Variants in DHX35 observed in about 807,000 individuals in gnomAD.
The protein encoded by DHX35 is probable ATP-dependent RNA helicase DHX35.
DHX35 carries 84 observed loss-of-function variants against 99.6 expected under a neutral mutation model. The ratio of observed to expected loss-of-function variants is 0.84; its 90% confidence interval spans 0.71 to 1.01. The LOEUF is 1.01. DHX35 is among the 50% of genes least tolerant of loss of function. The probability of loss-of-function intolerance (pLI) is 0.00; values close to 1 mark genes in which losing one functional copy is unlikely to be tolerated. For missense variants in DHX35, 852 were observed against 888.5 expected (o/e 0.96, Z 0.52); for synonymous variants, 331 against 316.2 (o/e 1.05, Z -0.50).
At chr20:39,033,718 G>A (rs1003928169) in intron 20 of DHX35, among the ~76,000 whole-genome samples, 1 of 152,100 alleles carries the variant, frequency 6.6e-6, no homozygotes, top group Non-Finnish European at 1.5e-5. Flanking sequence ...TTAAATAAAG[G>A]TATAATTTAT....
intron 18 of DHX35, among the ~76,000 whole-genome samples, chr20:39,028,055 A>G (rs1232989652): frequency 6.6e-6 from 1 of 152,232 alleles, no homozygotes; most frequent in African/African-American, 2.4e-5. Flanking sequence ...TTGTTGCCAT[A>G]TGACACTCTT....
intron 1 of DHX35, among the ~76,000 whole-genome samples, chr20:38,964,792 G>A (rs909051797): frequency 7.2e-5 from 11 of 152,200 alleles, no homozygotes; most frequent in African/African-American, 2.7e-4. Context: ...ACTGGCAGTG[G>A]AGTAGAGAGT....
intron 15 of DHX35, 33 bp from the exon 16 acceptor site, chr20:39,021,808 T>C (rs760494649): frequency 2.5e-5 from 40 of 1,604,718 alleles, no homozygotes; most frequent in Non-Finnish European, 3.2e-5. Context: ...GCACATTATA[T>C]GGTTGAAACC....
intron 8 of DHX35, 123 bp downstream of exon 8, chr20:38,995,003 A>T: frequency 1.4e-6 from 1 of 739,944 alleles, no homozygotes; most frequent in South Asian, 1.8e-5. Context: ...TTATGGGACC[A>T]TCTGATGTCC....
intron 9 of DHX35, among the ~76,000 whole-genome samples, chr20:39,002,503 A>G (rs951393563): frequency 6.6e-6 from 1 of 152,230 alleles, no homozygotes; most frequent in Admixed American, 6.5e-5. Context: ...ATGTCTTTGC[A>G]TACTAAAGAT....
At chr20:38,981,769 C>G (rs2086177212) in intron 3 of DHX35, among the ~76,000 whole-genome samples, 1 of 151,940 alleles carries the variant, frequency 6.6e-6, no homozygotes, top group African/African-American at 2.4e-5. Flanking sequence ...ATGGCAAAAC[C>G]TGGTCTCTAC....
At chr20:38,975,789 T>C (rs2086066491) in intron 3 of DHX35, among the ~76,000 whole-genome samples, 1 of 152,202 alleles carries the variant, frequency 6.6e-6, no homozygotes, top group African/African-American at 2.4e-5. Flanking sequence ...ATGAGGCACT[T>C]GTTGATCTTG....
chr20:39,014,523 C>G (rs2086751734), intron 13 of DHX35, among the ~76,000 whole-genome samples: 2 of 152,120 alleles, frequency 1.3e-5, no homozygotes, highest in Admixed American at 1.3e-4. Flanking sequence ...CCTGGGGCCC[C>G]GGTGTGGTAG....
intron 17 of DHX35, among the ~76,000 whole-genome samples, chr20:39,024,598 G>A (rs1042067773): frequency 7.9e-5 from 12 of 152,180 alleles, no homozygotes; most frequent in Admixed American, 2.0e-4. Context: ...ACTAGAAAGT[G>A]GGTATAGGTC....
In DHX35 at chr20:38,995,740, TAACTCCAGCC is replaced by T. The variant is rs562038921; in HGVS notation, c.642+862_642+871del. Among the ~76,000 whole-genome samples, 233 of 152,324 alleles carry T rather than the reference TAACTCCAGCC, an allele frequency of 1.5e-3. 1 individual carries two copies. Among genetic ancestry groups the T allele is most frequent in the South Asian group, 7.9e-3 (38 of 4,822 alleles). On this transcript the variant is annotated intron_variant, in intron 8 of 21. Coordinates refer to ENST00000252011, the MANE Select transcript of DHX35 (RefSeq NM_021931.4). ...CTGAGGCAGCTAAGGAGGGAGCCCTTAACTCCAGCCAGCTGGGGGGTGTCCAGAAACTTTC... is the reference window on the plus strand; with the variant it reads ...CTGAGGCAGCTAAGGAGGGAGCCCTTAGCTGGGGGGTGTCCAGAAACTTTC...
intron 14 of DHX35, among the ~76,000 whole-genome samples, chr20:39,015,473 A>G (rs1398562784): frequency 5.3e-5 from 8 of 151,922 alleles, no homozygotes; most frequent in Admixed American, 3.9e-4. Flanking sequence ...AAGTAATGGC[A>G]AAACCCGCAA....
At chr20:38,977,871 A>G in intron 3 of DHX35, 2 of 571,814 alleles carry the variant, frequency 3.5e-6, no homozygotes, top group African/African-American at 1.9e-5. Context: ...TGGCTGGAGT[A>G]TCTTGTATAG....
chr20:39,025,883 G>A (rs1280219822), intron 18 of DHX35, among the ~76,000 whole-genome samples: 1 of 152,216 alleles, frequency 6.6e-6, no homozygotes, highest in African/African-American at 2.4e-5. Context: ...TTACGCTGTG[G>A]CAGGGGTTCT....
intron 11 of DHX35, among the ~76,000 whole-genome samples, chr20:39,004,201 T>C (rs928765438): frequency 6.6e-6 from 1 of 152,156 alleles, no homozygotes; most frequent in South Asian, 2.1e-4. Context: ...TAGCTGGGAC[T>C]ACAGGCGCCC....
intron 3 of DHX35, chr20:38,978,109 C>T (rs2086111016): frequency 2.6e-6 from 2 of 768,656 alleles, no homozygotes; most frequent in Non-Finnish European, 4.8e-6. Flanking sequence ...TGGCCCTGAG[C>T]CACACTTCAA....
intron 2 of DHX35, among the ~76,000 whole-genome samples, 167 bp from the exon 3 acceptor site, chr20:38,972,392 G>A (rs552178816): frequency 1.3e-5 from 2 of 152,168 alleles, no homozygotes; most frequent in African/African-American, 2.4e-5. Flanking sequence ...AGTTGTATTC[G>A]CTCATACTGA....
intron 18 of DHX35, 66 bp from the exon 19 acceptor site, chr20:39,028,352 A>T: frequency 6.7e-7 from 1 of 1,489,654 alleles, no homozygotes; most frequent in South Asian, 1.1e-5. Context: ...GATCCTGTGC[A>T]TTAGAGCACA....
intron 21 of DHX35, 127 bp from the exon 22 acceptor site, chr20:39,038,372 T>A: frequency 9.3e-7 from 1 of 1,075,368 alleles, no homozygotes; most frequent in Non-Finnish European, 1.4e-6. Flanking sequence ...CATGAACAGC[T>A]CAGCATTTAC....
intron 3 of DHX35, among the ~76,000 whole-genome samples, chr20:38,976,749 T>A (rs2086085864): frequency 1.3e-5 from 2 of 152,168 alleles, no homozygotes; most frequent in Admixed American, 1.3e-4. Context: ...TTCTCCCTAC[T>A]CCCTGTTCCC....
Sources: gnomAD v4.1 joint callset for allele counts (sites outside exome capture counted in the v4.1 genomes callset) on GRCh38, gnomAD v4.1.1 for gene constraint, MANE v1.5 for transcripts, NCBI Gene and HGNC (gene_info 2026-07-23, HGNC 2026-07-21) for gene names.